ITGA6: variants seen among roughly 807,000 people sequenced by gnomAD.
ITGA6 encodes integrin alpha-6.
ITGA6 carries 63 observed loss-of-function variants against 133.6 expected under a neutral mutation model. The ratio of observed to expected loss-of-function variants is 0.47; its 90% confidence interval spans 0.38 to 0.58. The LOEUF is 0.58. ITGA6 is among the 20% of genes least tolerant of loss of function. ITGA6 has a pLI of 0.00. For missense variants in ITGA6, 1,068 were observed against 1,309.4 expected, an observed-to-expected ratio of 0.82 and a Z score of 2.85; for synonymous variants, 434 against 482.0, an observed-to-expected ratio of 0.90 and a Z score of 1.30.
rs752945679 is a variant in ITGA6 at position 172,487,491 on chromosome 2, A to G, written c.2160+38A>G. Reference sequence around the variant, plus strand: ...AGAGACCAGCTGAGAGGGGAAAAAAATCAACACTGTGTGGCAAATGAGTGG... The same window carrying G: ...AGAGACCAGCTGAGAGGGGAAAAAAGTCAACACTGTGTGGCAAATGAGTGG... On this transcript the variant is annotated intron_variant, in intron 15 of 25. Coordinates refer to ENST00000684293, the MANE Select transcript of ITGA6 (RefSeq NM_000210.4). The G allele has an allele frequency of 2.5e-6, 4 of 1,611,284 alleles. No homozygotes were observed. The South Asian group carries it at 3.3e-5, about 13-fold the overall frequency.
intron 1 of ITGA6, among the ~76,000 whole-genome samples, chr2:172,456,525 A>G (rs925075627): frequency 2.6e-5 from 4 of 152,234 alleles, no homozygotes; most frequent in African/African-American, 7.2e-5. Flanking sequence ...TTTAGACAAC[A>G]GGTATGATCC....
intron 1 of ITGA6, among the ~76,000 whole-genome samples, chr2:172,450,569 A>C (rs987179676): frequency 6.6e-6 from 1 of 152,172 alleles, no homozygotes; most frequent in East Asian, 1.9e-4. Context: ...TTACTGATGC[A>C]TTGGACGTGG....
At chr2:172,490,367 A>G (rs552265948) in intron 20 of ITGA6, among the ~76,000 whole-genome samples, 1 of 152,252 alleles carries the variant, frequency 6.6e-6, no homozygotes, top group East Asian at 1.9e-4. Context: ...CTGGCCTATC[A>G]TTTGTGTTCC....
chr2:172,470,105 T>G (rs1021159698), intron 4 of ITGA6, among the ~76,000 whole-genome samples: 17 of 152,208 alleles, frequency 1.1e-4, no homozygotes, highest in Non-Finnish European at 2.9e-5. Context: ...AATGTATTAA[T>G]AATAAGTCAC....
intron 1 of ITGA6, among the ~76,000 whole-genome samples, chr2:172,440,906 T>C (rs1156407745): frequency 6.6e-6 from 1 of 152,240 alleles, no homozygotes. Context: ...GTGTTCTGAT[T>C]GAAGCTGAGG....
intron 18 of ITGA6, 44 bp downstream of exon 18, chr2:172,488,082 C>T: frequency 2.5e-6 from 4 of 1,609,028 alleles, no homozygotes; most frequent in Non-Finnish European, 3.4e-6. Flanking sequence ...TTTGAAAGAA[C>T]CATTTACAAT....
rs16860453 is a variant in ITGA6, at chr2:172,465,769, T to C, written c.307+106T>C. On this transcript the variant is annotated intron_variant, in intron 2 of 25. Coordinates refer to ENST00000684293, the MANE Select transcript of ITGA6 (RefSeq NM_000210.4). ...CATTTATTCTTGTAGAGAGGACTTC[T>C]TTTAATTGCATCAGACTTGACTGTT... 1.0e-3 allele frequency: 1,440 copies of C among 1,427,086 alleles called. 8 individuals carry two copies. In the African/African-American group the frequency reaches 0.018, roughly 18 times the overall value. The allele number at this position is 1,427,086 out of a possible 1,614,324, so 88.4% of individuals were successfully genotyped here.
chr2:172,485,162 C>T lies in ITGA6; in HGVS notation c.1752C>T (p.Ala584=), dbSNP rs143857602. 2.4e-5 allele frequency: 38 copies of T among 1,613,848 alleles called. No individual in the cohort carries two copies. The African/African-American group carries it at 4.4e-4, about 19-fold the overall frequency. The part of the protein sequence containing the change: ...RDKLRPIPIT[A]SVEIQEPSSR... ...AACTGCGTCCCATTCCCATAACTGC[C>T]TCAGTGGAGATCCAAGAGCCAAGCT... Residue 584 remains alanine, a synonymous_variant, in exon 13 of 26, where the codon GCC becomes GCT. Transcript: ENST00000684293.
In ITGA6 at chr2:172,504,251, A is replaced by G. The variant is rs374550213; in HGVS notation, c.*183A>G. On this transcript the variant is annotated 3_prime_UTR_variant, in exon 26 of 26. Coordinates refer to ENST00000684293, the MANE Select transcript of ITGA6 (RefSeq NM_000210.4). Reference sequence around the variant, plus strand: ...TGGAACGAAAATGAAAGCTACTCATAGCGGGGGCCTAAAAAAAAAAAGCTT... The same window carrying G: ...TGGAACGAAAATGAAAGCTACTCATGGCGGGGGCCTAAAAAAAAAAAGCTT... 1 of 1,544,116 alleles carries G rather than the reference A, an allele frequency of 6.5e-7. No homozygotes were observed. Among genetic ancestry groups the G allele is most frequent in the Non-Finnish European group, 8.7e-7 (1 of 1,149,212 alleles).
At position 172,501,792 on chromosome 2, in the gene ITGA6, TAAGA is replaced by T. The variant is rs1206667871; in HGVS notation, c.3140_3143del (p.Lys1047IlefsTer33). The T allele has an allele frequency of 1.2e-6, 2 of 1,612,762 alleles. No homozygotes were observed. The highest frequency in any genetic ancestry group is 1.7e-6 in the Non-Finnish European group (2 of 1,179,588). On this transcript the variant is annotated frameshift_variant, in exon 25 of 26. Transcript: ENST00000684293. LOFTEE classifies it high-confidence loss of function. ...TGTAGTGTGGTTTCTTCAAGAGAAATAAGAAAGATCATTATGATGCCACATATCA... is the reference window on the plus strand; with the variant it reads ...TGTAGTGTGGTTTCTTCAAGAGAAATAAGATCATTATGATGCCACATATCA...
intron 4 of ITGA6, among the ~76,000 whole-genome samples, chr2:172,470,321 A>G (rs1038809607): frequency 2.6e-5 from 4 of 152,198 alleles, no homozygotes; most frequent in Non-Finnish European, 5.9e-5. Context: ...CTGAAATAAC[A>G]TGTTGAATTT....
intron 1 of ITGA6, among the ~76,000 whole-genome samples, chr2:172,445,747 A>G (rs4281870): frequency 0.079 from 11,972 of 151,872 alleles, 1,337 homozygotes; most frequent in East Asian, 0.52. Flanking sequence ...AAATCTGGGT[A>G]GCTGGTCTGA....
At chr2:172,460,390 G>A (rs1356345121) in intron 1 of ITGA6, among the ~76,000 whole-genome samples, 1 of 152,190 alleles carries the variant, frequency 6.6e-6, no homozygotes, top group East Asian at 1.9e-4. Context: ...AAAAGTTGAA[G>A]GGAAAATAGA....
chr2:172,427,821 C>T lies in ITGA6; in HGVS notation c.33C>T (p.Tyr11=), dbSNP rs756889665. 1.9e-6 allele frequency: 3 copies of T among 1,603,182 alleles called. No homozygotes were observed. Among genetic ancestry groups the T allele is most frequent in the South Asian group, 1.1e-5 (1 of 89,574 alleles). ...CCGCCGGGCAGCTGTGCTTGCTCTA[C>T]CTGTCGGCGGGGCTCCTGTCCCGGC... The part of the protein sequence containing the change: MAAAGQLCLL[Y]LSAGLLSRLG... The change falls in exon 1 of 26, where the codon TAC becomes TAT. Residue 11 remains tyrosine, a synonymous_variant. Transcript: ENST00000684293.
intron 1 of ITGA6, chr2:172,465,153 C>A: frequency 3.6e-6 from 1 of 280,984 alleles, no homozygotes. Flanking sequence ...CCATTTTTTC[C>A]TTCCATTGTC....
intron 10 of ITGA6, 101 bp from the exon 11 acceptor site, chr2:172,479,889 C>A: frequency 1.9e-6 from 2 of 1,045,072 alleles, no homozygotes; most frequent in Non-Finnish European, 3.0e-6. Context: ...ACATGTTGAT[C>A]ATCAATGGGC....
intron 23 of ITGA6, among the ~76,000 whole-genome samples, chr2:172,494,519 T>C (rs1355065235): frequency 6.6e-6 from 1 of 151,856 alleles, no homozygotes; most frequent in Non-Finnish European, 1.5e-5. Context: ...AAACAAACAA[T>C]AAAAAACACT....
chr2:172,427,533 G>A, upstream of ITGA6: 2 of 1,158,860 alleles, frequency 1.7e-6, no homozygotes, highest in South Asian at 3.7e-5. Context: ...GTGGGGAGGG[G>A]CGGGGCCGGC....
intron 1 of ITGA6, among the ~76,000 whole-genome samples, chr2:172,457,783 A>C (rs1199303049): frequency 6.6e-6 from 1 of 152,174 alleles, no homozygotes; most frequent in African/African-American, 2.4e-5. Context: ...TGGGATGAAA[A>C]TCTGATGCAA....
Sources: allele counts gnomAD v4.1 joint callset (sites outside exome capture counted in the v4.1 genomes callset), GRCh38; gene constraint gnomAD v4.1.1; transcripts MANE v1.5; gene names NCBI Gene and HGNC (gene_info 2026-07-23, HGNC 2026-07-21).